MAPK8IP2: variants seen among roughly 807,000 people sequenced by gnomAD.
The protein encoded by MAPK8IP2 is mitogen-activated protein kinase 8 interacting protein 2, also known as C-Jun-amino-terminal kinase-interacting protein 2.
Under a neutral mutation model 75.6 loss-of-function variants are expected in MAPK8IP2, and 15 were observed. The ratio of observed to expected loss-of-function variants is 0.20; its 90% confidence interval spans 0.13 to 0.31. MAPK8IP2 has a LOEUF of 0.31. MAPK8IP2 is among the 10% of genes least tolerant of loss of function. MAPK8IP2 has a pLI of 1.00. For missense variants in MAPK8IP2, 1,089 were observed against 1,211.2 expected, an observed-to-expected ratio of 0.90 and a Z score of 1.50; for synonymous variants, 632 against 554.5, an observed-to-expected ratio of 1.14 and a Z score of -1.96.
In MAPK8IP2 at chr22:50,604,901, C is replaced by T. The variant is rs770214144; in HGVS notation, c.1602C>T (p.His534=). The T allele has an allele frequency of 1.9e-6, 3 of 1,609,512 alleles. No homozygotes were observed. The highest frequency in any genetic ancestry group is 8.5e-7 in the Non-Finnish European group (1 of 1,178,700). The change falls in exon 5 of 12, where the codon CAC becomes CAT. Residue 534 remains histidine, a synonymous_variant. Transcript: ENST00000329492. Reference sequence around the variant, plus strand: ...TGCGGCGCTGTGCTGGGCTGGGCCACGACAGCGAAGAGGACAGCGGCGGGG... The same window carrying T: ...TGCGGCGCTGTGCTGGGCTGGGCCATGACAGCGAAGAGGACAGCGGCGGGG... The part of the protein sequence containing the change: ...VSLRRCAGLG[H]DSEEDSGGEA...
At position 50,605,191 on chromosome 22, in the gene MAPK8IP2, C is replaced by G; in HGVS notation, c.1765+127C>G. 4 of 1,210,320 alleles carry G rather than the reference C, an allele frequency of 3.3e-6. No individual in the cohort carries two copies. In the South Asian group the frequency reaches 5.4e-5, roughly 16 times the overall value. The allele number at this position is 1,210,320 out of a possible 1,614,324, so 75.0% of individuals were successfully genotyped here. A position where few individuals can be genotyped will look rare whatever the true frequency, so the allele number is the denominator to read the frequency against. ...CTGGCTGTGGTCAGGGCTGGGTGCCCTCTCCCACCCAGGACATGGCATGAG... is the reference window on the plus strand; with the variant it reads ...CTGGCTGTGGTCAGGGCTGGGTGCCGTCTCCCACCCAGGACATGGCATGAG... On this transcript the variant is annotated intron_variant, in intron 5 of 11. Coordinates refer to ENST00000329492, the MANE Select transcript of MAPK8IP2 (RefSeq NM_012324.6).
intron 2 of MAPK8IP2, among the ~76,000 whole-genome samples, chr22:50,602,920 AAC>A (rs1241293376): frequency 6.6e-6 from 1 of 152,192 alleles, no homozygotes; most frequent in East Asian, 1.9e-4. Flanking sequence ...CTGCGAAGGG[AAC>A]ACAGTGCTGG....
At chr22:50,601,670 TG>T (rs2070940680) in intron 1 of MAPK8IP2, 118 bp from the exon 2 acceptor site, 7 of 689,906 alleles carry the variant, frequency 1.0e-5, no homozygotes, top group Middle Eastern at 4.0e-4. Flanking sequence ...TTCCGAGAGC[TG>T]GGGGCTGTGG....
chr22:50,603,299 T>C lies in MAPK8IP2; in HGVS notation c.248T>C (p.Met83Thr). Residue 83 changes from methionine to threonine, a missense_variant, in exon 3 of 12, where the codon ATG (methionine) becomes ACG (threonine). Transcript: ENST00000329492. ...CAGGATGACTTCCAGGAGTTTGAGATGATCGATGACAATGAAGAGGAGGAC... is the reference window on the plus strand; with the variant it reads ...CAGGATGACTTCCAGGAGTTTGAGACGATCGATGACAATGAAGAGGAGGAC... The part of the protein sequence containing the change: ...SFQDDFQEFE[M>T]IDDNEEEDDE... 1.9e-6 allele frequency: 3 copies of C among 1,575,668 alleles called. No individual in the cohort carries two copies. Among genetic ancestry groups the C allele is most frequent in the Non-Finnish European group, 1.7e-6 (2 of 1,162,794 alleles).
In MAPK8IP2 at chr22:50,603,242, G is replaced by C. The variant is rs1424439283; in HGVS notation, c.191G>C (p.Arg64Pro). ...HCEKDSLSLG[R>P]SEQPHPICSF... ...CTGCAGGACAGCCTCTCCCTGGGGC[G>C]CTCGGAGCAGCCGCACCCCATCTGC... The change falls in exon 3 of 12, where the codon CGC becomes CCC. Residue 64 changes from arginine to proline, a missense_variant. Physicochemically the swap from Arg to Pro is moderately radical, Grantham distance 103. Coordinates refer to ENST00000329492, the MANE Select transcript of MAPK8IP2 (RefSeq NM_012324.6). The C allele has an allele frequency of 1.2e-6, 2 of 1,607,490 alleles. No homozygotes were observed. Among genetic ancestry groups the C allele is most frequent in the Non-Finnish European group, 1.7e-6 (2 of 1,178,228 alleles).
chr22:50,606,005 A>C, intron 8 of MAPK8IP2, 71 bp downstream of exon 8: 3 of 1,244,346 alleles, frequency 2.4e-6, no homozygotes, highest in Non-Finnish European at 3.4e-6. Context: ...GCAGGCTGGC[A>C]CAGGGCTTGA....
chr22:50,603,081 C>T (rs555824647), intron 2 of MAPK8IP2, 142 bp from the exon 3 acceptor site: 111 of 1,526,020 alleles, frequency 7.3e-5, no homozygotes, highest in Non-Finnish European at 9.3e-5. Flanking sequence ...TTGAAAACAT[C>T]GCCCTGTAGA....
At position 50,600,892 on chromosome 22, in the gene MAPK8IP2, C is replaced by CA. The variant is rs761994075; in HGVS notation, c.65+9_65+10insA. The CA allele has an allele frequency of 8.0e-7, 1 of 1,248,862 alleles. No individual in the cohort carries two copies. Among genetic ancestry groups the CA allele is most frequent in the Non-Finnish European group, 1.0e-6 (1 of 967,302 alleles). The allele number at this position is 1,248,862 out of a possible 1,614,324, so 77.4% of individuals were successfully genotyped here. A position where few individuals can be genotyped will look rare whatever the true frequency, so the allele number is the denominator to read the frequency against. Reference sequence around the variant, plus strand: ...TCGCCGCCGGGCTGCAGGTACCCCCCTCGGCGCCCGGGCCGGGCGGACCCT... The same window carrying CA: ...TCGCCGCCGGGCTGCAGGTACCCCCCATCGGCGCCCGGGCCGGGCGGACCCT... On this transcript the variant is annotated intron_variant, in intron 1 of 11. Transcript: ENST00000329492.
rs993478269 is a variant in MAPK8IP2, at chr22:50,603,365, A to C, written c.314A>C (p.Asp105Ala). 3 of 1,555,018 alleles carry C rather than the reference A, an allele frequency of 1.9e-6. No homozygotes were observed. Among genetic ancestry groups the C allele is most frequent in the Non-Finnish European group, 2.6e-6 (3 of 1,152,328 alleles). The change falls in exon 3 of 12, where the codon GAT (aspartate) becomes GCT (alanine). Residue 105 changes from aspartate (D) to alanine (A), a missense_variant. Transcript: ENST00000329492. The part of the protein sequence containing the change: ...EEEEEEEEEG[D>A]GEGQEGGDPG... The stretch of plus-strand genomic sequence containing the variant: ...GAGGAGGAGGAGGAGGAGGAGGGAG[A>C]TGGGGAAGGCCAGGAGGGAGGAGAC...
At position 50,603,706 on chromosome 22, in the gene MAPK8IP2, G is replaced by A. The variant is rs369933882; in HGVS notation, c.528G>A (p.Pro176=). The stretch of plus-strand genomic sequence containing the variant: ...AGACAGCGCTATGCTCACCCGCCCC[G>A]GAGGCCCTCAGAGGTGAGGGGTGGT... ...WQETALCSPA[P]EALRELPGPL... Residue 176 remains proline, a synonymous_variant, in exon 4 of 12, where the codon CCG becomes CCA. Transcript: ENST00000329492. The A allele has an allele frequency of 1.7e-5, 26 of 1,573,716 alleles. No individual in the cohort carries two copies. The African/African-American group carries it at 2.6e-4, about 16-fold the overall frequency.
At chr22:50,605,246 C>A in intron 5 of MAPK8IP2, 122 bp from the exon 6 acceptor site, 2 of 1,139,076 alleles carry the variant, frequency 1.8e-6, no homozygotes, top group Non-Finnish European at 2.5e-6. Context: ...CTCCTTCCCG[C>A]TCGTAGGACA....
chr22:50,604,391 G>C lies in MAPK8IP2; in HGVS notation c.1092G>C (p.Ser364=), dbSNP rs778374774. Residue 364 remains serine (S), a synonymous_variant, in exon 5 of 12, where the codon TCG becomes TCC. Coordinates refer to ENST00000329492, the MANE Select transcript of MAPK8IP2 (RefSeq NM_012324.6). ...LVSRMISEGS[S]PIRCPGQCLS... Reference sequence around the variant, plus strand: ...GCCGCATGATCTCCGAGGGCTCCTCGCCCATCCGCTGCCCCGGCCAGTGCC... The same window carrying C: ...GCCGCATGATCTCCGAGGGCTCCTCCCCCATCCGCTGCCCCGGCCAGTGCC... 1.1e-5 allele frequency: 17 copies of C among 1,524,156 alleles called. No homozygotes were observed. In the East Asian group the frequency reaches 3.3e-4, roughly 29 times the overall value. The allele number at this position is 1,524,156 out of a possible 1,614,324, so 94.4% of individuals were successfully genotyped here.
intron 8 of MAPK8IP2, among the ~76,000 whole-genome samples, 162 bp from the exon 9 acceptor site, chr22:50,606,496 C>A (rs2071052559): frequency 6.6e-6 from 1 of 152,230 alleles, no homozygotes; most frequent in Non-Finnish European, 1.5e-5. Flanking sequence ...GAGGAGTGGC[C>A]AAGGCCACAC....
At position 50,612,944 on chromosome 22, in the gene MAPK8IP2, C is replaced by G. The variant is rs1466688736; in HGVS notation, c.*2165C>G. The G allele has an allele frequency of 7.5e-6, 1 of 133,676 alleles. No individual in the cohort carries two copies. Among genetic ancestry groups the G allele is most frequent in the African/African-American group, 2.7e-5 (1 of 37,336 alleles). The allele number at this position is 133,676 out of a possible 1,614,324, so 8.3% of individuals were successfully genotyped here. On this transcript the variant is annotated 3_prime_UTR_variant, in exon 12 of 12. Coordinates refer to ENST00000329492, the MANE Select transcript of MAPK8IP2 (RefSeq NM_012324.6). ...TTCAGGTCTCTTTCCCTCCAGCCGG[C>G]CCTTAGGACGGCTGTTGGACGTGCT... is the stretch of plus-strand genomic sequence containing the variant.
In MAPK8IP2 at chr22:50,604,727, C is replaced by T. The variant is rs1444031184; in HGVS notation, c.1428C>T (p.Asp476=). The change falls in exon 5 of 12, where the codon GAC becomes GAT. Residue 476 remains aspartate, a synonymous_variant. Coordinates refer to ENST00000329492, the MANE Select transcript of MAPK8IP2 (RefSeq NM_012324.6). ...ACSEEEDEED[D]EEEEDAEDSA... ...CCGAGGAGGAGGACGAAGAGGACGA[C>T]GAGGAAGAGGAGGATGCCGAGGACA... The T allele has an allele frequency of 2.0e-6, 3 of 1,531,852 alleles. No individual in the cohort carries two copies. In the East Asian group the frequency reaches 7.4e-5, roughly 38 times the overall value. 94.9% of individuals were successfully genotyped at this position (1,531,852 alleles called of 1,614,324 possible).
intron 2 of MAPK8IP2, 113 bp from the exon 3 acceptor site, chr22:50,603,110 T>C: frequency 6.3e-7 from 1 of 1,584,230 alleles, no homozygotes; most frequent in South Asian, 1.1e-5. Context: ...CAGAGTGAGC[T>C]GGAAGGGGCT....
At chr22:50,600,993 C>A in intron 1 of MAPK8IP2, 110 bp downstream of exon 1, 1 of 252,886 alleles carries the variant, frequency 4.0e-6, no homozygotes, top group Non-Finnish European at 6.4e-6. Context: ...GCCGCCGGCG[C>A]GGACCCGGCC....
Position 50,611,075 on chromosome 22 carries a change from C to T in MAPK8IP2, c.*296C>T, listed in dbSNP as rs770117464. On this transcript the variant is annotated 3_prime_UTR_variant, in exon 12 of 12. Transcript: ENST00000329492. The surrounding 1 kb of genome is among the most constrained non-coding windows in gnomAD (Gnocchi z 5.5). The stretch of plus-strand genomic sequence containing the variant: ...TCTCTCTCCTGGTGTCTCTGCCCCT[C>T]TCTGTGCCTGCAAACCTTATCCTCT... The T allele has an allele frequency of 1.1e-5, 4 of 378,502 alleles. No individual in the cohort carries two copies. In the Admixed American group the frequency reaches 1.8e-4, roughly 17 times the overall value. 23.4% of individuals were successfully genotyped at this position (378,502 alleles called of 1,614,324 possible).
rs924293286 is a variant in MAPK8IP2 at position 50,607,205 on chromosome 22, G to A, written c.2303+214G>A. ...GTCAGACAGGCTTGCATCCAGTCTG[G>A]GTGGAGAGAGGCACACGGGCGAAGG... On this transcript the variant is annotated intron_variant, in intron 10 of 11. Transcript: ENST00000329492. The surrounding 1 kb of genome is among the most constrained non-coding windows in gnomAD (Gnocchi z 5.6). 3.9e-5 allele frequency among the ~76,000 whole-genome samples: 6 copies of A among 152,196 alleles called. No homozygotes were observed. The highest frequency in any genetic ancestry group is 1.4e-4 in the African/African-American group (6 of 41,448).
Sources: gnomAD v4.1 joint callset for allele counts (sites outside exome capture counted in the v4.1 genomes callset) on GRCh38, gnomAD v4.1.1 for gene constraint, Gnocchi (gnomAD v3.1) non-coding constraint, MANE v1.5 for transcripts, NCBI Gene and HGNC (gene_info 2026-07-23, HGNC 2026-07-21) for gene names.